The following CPE variants were observed in gnomAD, a reference collection of about 807,000 sequenced individuals.
CPE encodes carboxypeptidase E, also known as carbocypeptidase E.
Under a neutral mutation model 53.5 loss-of-function variants are expected in CPE, and 17 were observed. That is an observed-to-expected ratio of 0.32 (90% CI 0.22 to 0.48). The LOEUF is 0.48. Among genes scored for constraint, CPE ranks in the 20% least tolerant of loss-of-function variants. The pLI is 0.99. For synonymous variants in CPE, 226 were observed against 228.8 expected (o/e 0.99, Z 0.11); for missense variants, 524 against 614.7 (o/e 0.85, Z 1.56).
chr4:165,442,607 A>G (rs1486108988), intron 1 of CPE, among the ~76,000 whole-genome samples: 2 of 152,206 alleles, frequency 1.3e-5, no homozygotes, highest in Non-Finnish European at 2.9e-5. Context: ...TAAATTAATT[A>G]AAATTAAGAA....
chr4:165,494,932 G>A (rs764508491), intron 7 of CPE, among the ~76,000 whole-genome samples: 1 of 152,188 alleles, frequency 6.6e-6, no homozygotes, highest in Non-Finnish European at 1.5e-5. Context: ...TCAAAGTGTG[G>A]CCTCTGCTCG....
chr4:165,406,024 TA>T, intron 1 of CPE: 1 of 756,252 alleles, frequency 1.3e-6, no homozygotes, highest in Non-Finnish European at 2.5e-6. Context: ...TGCAAGTGGC[TA>T]AAATGTTGAT....
intron 8 of CPE, among the ~76,000 whole-genome samples, chr4:165,497,096 A>G (rs1732715562): frequency 6.6e-6 from 1 of 151,884 alleles, no homozygotes; most frequent in African/African-American, 2.4e-5. Context: ...TAATTTTTGT[A>G]TTTTTAGCAG....
At chr4:165,497,404 TTC>T in intron 8 of CPE, 106 bp from the exon 9 acceptor site, 1 of 476,344 alleles carries the variant, frequency 2.1e-6, no homozygotes, top group Non-Finnish European at 3.6e-6. Context: ...TTTACTTTAA[TTC>T]AGGTGGCTGG....
At position 165,432,302 on chromosome 4, in the gene CPE, G is replaced by T. The variant is rs181683802; in HGVS notation, c.308-32088G>T. ...ATTGCAGGATTTTAAAATCATTTTT[G>T]TGTGTGTGTGTGAGACAGGGTCTTG... On this transcript the variant is annotated intron_variant, in intron 1 of 8. Coordinates refer to ENST00000402744, the MANE Select transcript of CPE (RefSeq NM_001873.4). 8.4e-4 allele frequency among the ~76,000 whole-genome samples: 128 copies of T among 151,964 alleles called. No individual in the cohort carries two copies. In the East Asian group the frequency reaches 0.012, roughly 14 times the overall value.
At chr4:165,444,280 T>C (rs1171093631) in intron 1 of CPE, among the ~76,000 whole-genome samples, 1 of 152,174 alleles carries the variant, frequency 6.6e-6, no homozygotes, top group African/African-American at 2.4e-5. Context: ...CTCACCAGTC[T>C]GACTTCAAAG....
At chr4:165,460,080 A>G (rs1190760288) in intron 1 of CPE, among the ~76,000 whole-genome samples, 2 of 152,102 alleles carry the variant, frequency 1.3e-5, no homozygotes, top group African/African-American at 4.8e-5. Context: ...CGTGTACATT[A>G]TACCAGCCGG....
At position 165,379,650 on chromosome 4, in the gene CPE, A is replaced by G; in HGVS notation, c.307+122A>G. 1.0e-6 allele frequency: 1 copy of G among 989,330 alleles called. No individual in the cohort carries two copies. Among genetic ancestry groups the G allele is most frequent in the South Asian group, 2.1e-5 (1 of 47,620 alleles). 61.3% of individuals were successfully genotyped at this position (989,330 alleles called of 1,614,324 possible). On this transcript the variant is annotated intron_variant, in intron 1 of 8. Transcript: ENST00000402744. The surrounding 1 kb of genome is among the most constrained non-coding windows in gnomAD (Gnocchi z 6.0). ...CCAGGGGTGCCTCTTGGTAAAAGGT[A>G]TCTAAGGTGGAAGGTGGGAAGTGGA...
At chr4:165,443,856 C>T (rs2083158) in intron 1 of CPE, among the ~76,000 whole-genome samples, 2 of 151,944 alleles carry the variant, frequency 1.3e-5, no homozygotes, top group Non-Finnish European at 2.9e-5. Flanking sequence ...GTGATTTGTA[C>T]ATGATGGCTG....
intron 3 of CPE, among the ~76,000 whole-genome samples, chr4:165,475,169 C>G (rs57942049): frequency 0.099 from 15,045 of 152,184 alleles, 960 homozygotes; most frequent in Non-Finnish European, 0.14. Flanking sequence ...AATTTTCCCT[C>G]CTTTCAAAGG....
chr4:165,399,699 A>G (rs1216332293), intron 1 of CPE, among the ~76,000 whole-genome samples: 3 of 152,152 alleles, frequency 2.0e-5, no homozygotes, highest in Non-Finnish European at 2.9e-5. Flanking sequence ...GGAGTTCCCT[A>G]TATACTAGGG....
chr4:165,397,354 A>G (rs1730784715), intron 1 of CPE, among the ~76,000 whole-genome samples: 1 of 152,350 alleles, frequency 6.6e-6, no homozygotes, highest in South Asian at 2.1e-4. Context: ...AGGCCCAAAG[A>G]GATTAAATGA....
rs533894029 is a variant in CPE, at chr4:165,484,027, C to G, written c.791-395C>G. Reference sequence around the variant, plus strand: ...ACAGGAGATTTAAAAAATATAAAACCAGATATTGAATGGTATATATGAGAA... The same window carrying G: ...ACAGGAGATTTAAAAAATATAAAACGAGATATTGAATGGTATATATGAGAA... On this transcript the variant is annotated intron_variant, in intron 4 of 8. Coordinates refer to ENST00000402744, the MANE Select transcript of CPE (RefSeq NM_001873.4). 3.6e-3 allele frequency among the ~76,000 whole-genome samples: 544 copies of G among 151,962 alleles called. 4 individuals carry two copies. Among genetic ancestry groups the G allele is most frequent in the African/African-American group, 0.013 (521 of 41,424 alleles).
intron 1 of CPE, among the ~76,000 whole-genome samples, chr4:165,437,638 AT>A (rs1162996167): frequency 6.6e-6 from 1 of 152,226 alleles, no homozygotes; most frequent in Admixed American, 6.5e-5. Context: ...ACATATAAAT[AT>A]GCAAATTCAG....
chr4:165,490,992 A>G (rs1391980623), intron 6 of CPE, among the ~76,000 whole-genome samples: 3 of 152,194 alleles, frequency 2.0e-5, no homozygotes, highest in Non-Finnish European at 4.4e-5. Context: ...AAAGCCATAC[A>G]ATCTGAATTT....
intron 1 of CPE, among the ~76,000 whole-genome samples, chr4:165,439,216 T>C (rs1207671993): frequency 4.6e-5 from 7 of 152,102 alleles, no homozygotes; most frequent in Admixed American, 4.6e-4. Context: ...ACAAGAACAA[T>C]AGCAAAACAA....
chr4:165,489,229 C>T (rs1021392386), intron 6 of CPE, among the ~76,000 whole-genome samples: 6 of 152,272 alleles, frequency 3.9e-5, no homozygotes, highest in Non-Finnish European at 8.8e-5. Flanking sequence ...TTGGGGTGTT[C>T]TCCACTTACA....
chr4:165,479,861 A>G (rs1208610916), intron 3 of CPE, among the ~76,000 whole-genome samples: 3 of 152,064 alleles, frequency 2.0e-5, no homozygotes, highest in Admixed American at 6.5e-5. Flanking sequence ...GTGTGGTGGC[A>G]GGCACCTGTA....
chr4:165,419,466 G>A (rs1006274315), intron 1 of CPE, among the ~76,000 whole-genome samples: 7 of 152,134 alleles, frequency 4.6e-5, no homozygotes, highest in Non-Finnish European at 7.4e-5. Context: ...TGAATTAGAA[G>A]CATGAAATCT....
Sources: allele counts gnomAD v4.1 joint callset (sites outside exome capture counted in the v4.1 genomes callset), GRCh38; gene constraint gnomAD v4.1.1; non-coding constraint Gnocchi (gnomAD v3.1); transcripts MANE v1.5; gene names NCBI Gene and HGNC (gene_info 2026-07-23, HGNC 2026-07-21).